The following ADAMTS7 variants were observed in gnomAD, a reference collection of about 807,000 sequenced individuals.
The protein encoded by ADAMTS7 is A disintegrin and metalloproteinase with thrombospondin motifs 7.
In ADAMTS7, 89 loss-of-function variants were observed where a neutral mutation model predicts 172.6. The observed-to-expected ratio is 0.52, with a 90% confidence interval of 0.43 to 0.61. The LOEUF is 0.61. ADAMTS7 is among the 20% of genes least tolerant of loss of function. The pLI, the probability that ADAMTS7 is intolerant of heterozygous loss-of-function variation, is 0.00. For missense variants in ADAMTS7, 1,973 were observed against 2,355.6 expected (o/e 0.84, Z 3.36); for synonymous variants, 885 against 978.4 (o/e 0.90, Z 1.78).
At chr15:78,808,907 CTGGG>C (rs965837748) in intron 1 of ADAMTS7, among the ~76,000 whole-genome samples, 27 of 152,326 alleles carry the variant, frequency 1.8e-4, no homozygotes, top group Admixed American at 5.2e-4. Flanking sequence ...AATATCTCCC[CTGGG>C]TGACAGAACT....
intron 8 of ADAMTS7, 64 bp from the exon 9 acceptor site, chr15:78,777,652 T>G: frequency 6.4e-7 from 1 of 1,555,782 alleles, no homozygotes; most frequent in African/African-American, 1.4e-5. Context: ...GAAGCCTTGG[T>G]GGGGCCGGGA....
rs1310376361 is a variant in ADAMTS7, at chr15:78,759,276, A to G, written c.*145T>C. ...ACACAAACTGTTAGAATAAAAAAAT[A>G]CCTTTTTTGAGGGGGAGGAGGTCCC... On this transcript the variant is annotated 3_prime_UTR_variant, in exon 24 of 24. Transcript: ENST00000388820. 1 of 659,250 alleles carries G rather than the reference A, an allele frequency of 1.5e-6. No individual in the cohort carries two copies. Among genetic ancestry groups the G allele is most frequent in the African/African-American group, 1.9e-5 (1 of 53,568 alleles). The allele number at this position is 659,250 out of a possible 1,614,324, so 40.8% of individuals were successfully genotyped here. A position where few individuals can be genotyped will look rare whatever the true frequency, so the allele number is the denominator to read the frequency against.
chr15:78,800,377 G>C lies in ADAMTS7; in HGVS notation c.271C>G (p.Leu91Val). The C allele has an allele frequency of 1.2e-6, 2 of 1,606,516 alleles. No individual in the cohort carries two copies. The change falls in exon 2 of 24, where the codon CTG (leucine) becomes GTG (valine). Residue 91 changes from leucine (L) to valine (V), a missense_variant. Around this residue, in one of 8 missense-constraint regions of ADAMTS7, gnomAD observed 306 missense variants for 288.0 expected, o/e 1.06. Transcript: ENST00000388820. ...TGATTGGCGGTCAGGTTGAAGCGCA[G>C]CTCGCGCCCGCGGTATTGTAGCTCG... is the stretch of plus-strand genomic sequence containing the variant. ...FYELQYRGRE[L>V]RFNLTANQHL...
chr15:78,796,826 A>G (rs1453759589), intron 3 of ADAMTS7, 40 bp from the exon 4 acceptor site: 2 of 1,558,142 alleles, frequency 1.3e-6, no homozygotes, highest in Non-Finnish European at 1.7e-6. Context: ...GCCAGTGGAC[A>G]GGCCCAGGGC....
At chr15:78,809,878 G>A (rs2055842288) in intron 1 of ADAMTS7, among the ~76,000 whole-genome samples, 1 of 152,222 alleles carries the variant, frequency 6.6e-6, no homozygotes, top group South Asian at 2.1e-4. Flanking sequence ...GGTTGTTGTG[G>A]AGATGATGAG....
chr15:78,806,405 A>G (rs1471574884), intron 1 of ADAMTS7, among the ~76,000 whole-genome samples: 1 of 152,222 alleles, frequency 6.6e-6, no homozygotes, highest in Non-Finnish European at 1.5e-5. Context: ...AAGAAAGGGC[A>G]ACAAGAAGTT....
Position 78,776,809 on chromosome 15 carries a change from C to T in ADAMTS7, c.1500G>A (p.Gly500=), listed in dbSNP as rs762396374. 4 of 1,550,812 alleles carry T rather than the reference C, an allele frequency of 2.6e-6. No homozygotes were observed. Among genetic ancestry groups the T allele is most frequent in the South Asian group, 2.4e-5 (2 of 84,086 alleles). ...NVCHTLWCSV[G]TTCHSKLDAA... ...CATCCAGCTTGGAGTGACAGGTGGT[C>T]CCCACAGAGCACCAGAGTGTGTGGC... The change falls in exon 10 of 24, where the codon GGG becomes GGA. Residue 500 remains glycine, a synonymous_variant. Transcript: ENST00000388820.
intron 23 of ADAMTS7, among the ~76,000 whole-genome samples, chr15:78,761,526 C>T (rs1490974963): frequency 1.3e-5 from 2 of 152,216 alleles, no homozygotes; most frequent in East Asian, 3.9e-4. Flanking sequence ...CGCAGTGCTG[C>T]GTGCTTCATG....
chr15:78,780,414 C>G (rs2141496241), intron 8 of ADAMTS7, among the ~76,000 whole-genome samples: 1 of 152,326 alleles, frequency 6.6e-6, no homozygotes, highest in East Asian at 1.9e-4. Flanking sequence ...GGGATCTGGT[C>G]ATGGAGTCAC....
intron 2 of ADAMTS7, 100 bp downstream of exon 2, chr15:78,800,092 C>T: frequency 8.9e-7 from 1 of 1,117,716 alleles, no homozygotes; most frequent in Non-Finnish European, 1.3e-6. Context: ...AAAAAGTGCA[C>T]TGGGCAAAGC....
chr15:78,763,567 G>GA, intron 22 of ADAMTS7, 132 bp downstream of exon 22: 1 of 1,235,976 alleles, frequency 8.1e-7, no homozygotes, highest in South Asian at 2.1e-5. Flanking sequence ...CAGCCGGGCG[G>GA]GGCCTCGTCC....
At position 78,772,374 on chromosome 15, in the gene ADAMTS7, T is replaced by C. The variant is rs200950957; in HGVS notation, c.2132-545A>G. On this transcript the variant is annotated intron_variant, in intron 14 of 23. Coordinates refer to ENST00000388820, the MANE Select transcript of ADAMTS7 (RefSeq NM_014272.5). ...CCTGCTGCGGTATGAGCAGCCTCCA[T>C]GGCCAGTGCTTTATCCACCACACTG... is the stretch of plus-strand genomic sequence containing the variant. 3.2e-3 allele frequency among the ~76,000 whole-genome samples: 479 copies of C among 151,512 alleles called. 3 individuals are homozygous for C. Among genetic ancestry groups the C allele is most frequent in the African/African-American group, 9.3e-3 (386 of 41,396 alleles).
intron 3 of ADAMTS7, among the ~76,000 whole-genome samples, chr15:78,797,655 G>T (rs1232016890): frequency 6.6e-6 from 1 of 152,232 alleles, no homozygotes; most frequent in Non-Finnish European, 1.5e-5. Flanking sequence ...AGGTACCATA[G>T]GCTGTTGGCG....
chr15:78,800,163 C>T, intron 2 of ADAMTS7, 29 bp downstream of exon 2: 1 of 1,568,422 alleles, frequency 6.4e-7, no homozygotes, highest in Non-Finnish European at 8.6e-7. Context: ...CCGAGACTGC[C>T]CCAAGTATAC....
intron 9 of ADAMTS7, 35 bp downstream of exon 9, chr15:78,777,409 C>T: frequency 1.2e-6 from 2 of 1,601,698 alleles, no homozygotes; most frequent in Non-Finnish European, 1.7e-6. Flanking sequence ...CCTGCCGGGT[C>T]CCCACACCCC....
intron 18 of ADAMTS7, 105 bp downstream of exon 18, chr15:78,767,274 C>T: frequency 7.0e-7 from 1 of 1,422,918 alleles, no homozygotes; most frequent in African/African-American, 1.4e-5. Context: ...CTGGAATGCC[C>T]AGGTTCCCTC....
At chr15:78,763,599 C>T (rs1233494243) in intron 22 of ADAMTS7, 100 bp downstream of exon 22, 1 of 1,407,514 alleles carries the variant, frequency 7.1e-7, no homozygotes, top group Non-Finnish European at 9.2e-7. Context: ...CACAAAGAGC[C>T]TGGCTCACAG....
intron 2 of ADAMTS7, among the ~76,000 whole-genome samples, chr15:78,799,837 C>CT (rs563089296): frequency 0.081 from 11,769 of 145,592 alleles, 1,610 homozygotes; most frequent in African/African-American, 0.28. Flanking sequence ...TTCTTTCTTT[C>CT]TTTTTTTTTT....
At position 78,800,537 on chromosome 15, in the gene ADAMTS7, G is replaced by T; in HGVS notation, c.111C>A (p.Thr37=). Residue 37 remains threonine, a synonymous_variant, in exon 2 of 24, where the codon ACC becomes ACA. Coordinates refer to ENST00000388820, the MANE Select transcript of ADAMTS7 (RefSeq NM_014272.5). The part of the protein sequence containing the change: ...GAPGPAPGRA[T]EGRAALDIVH... ...CGATGTCCAGTGCCGCCCGGCCCTCGGTTGCACGTCCTGCAGGGAGAGAAC... is the reference window on the plus strand; with the variant it reads ...CGATGTCCAGTGCCGCCCGGCCCTCTGTTGCACGTCCTGCAGGGAGAGAAC... 1.3e-6 allele frequency: 2 copies of T among 1,594,706 alleles called. No individual in the cohort carries two copies. Among genetic ancestry groups the T allele is most frequent in the East Asian group, 2.3e-5 (1 of 43,968 alleles).
Sources: allele counts gnomAD v4.1 joint callset (sites outside exome capture counted in the v4.1 genomes callset), GRCh38; gene constraint gnomAD v4.1.1; regional missense constraint gnomAD v4.1.1; transcripts MANE v1.5; gene names NCBI Gene and HGNC (gene_info 2026-07-23, HGNC 2026-07-21).